The following MTERF4 variants were observed in gnomAD, a reference collection of about 807,000 sequenced individuals.
MTERF4 encodes the protein mitochondrial transcription termination factor 4, also known as transcription termination factor 4, mitochondrial.
A neutral mutation model predicts 22.5 loss-of-function variants in MTERF4; 17 were observed. The ratio of observed to expected loss-of-function variants is 0.75; its 90% CI spans 0.52 to 1.13. MTERF4 has a LOEUF of 1.13. MTERF4 is among the 50% of genes most tolerant of loss of function. The pLI is 0.00. For synonymous variants in MTERF4, 165 were observed against 175.3 expected (o/e 0.94, Z 0.47); for missense variants, 420 against 466.8 (o/e 0.90, Z 0.92).
chr2:241,096,453 C>CCTATCATTCTATAA lies in MTERF4; in HGVS notation c.706-16_706-15insTTATAGAATGATAG. 6.2e-7 allele frequency: 1 copy of CCTATCATTCTATAA among 1,612,898 alleles called. No homozygotes were observed. Among genetic ancestry groups the CCTATCATTCTATAA allele is most frequent in the Non-Finnish European group, 8.5e-7 (1 of 1,179,256 alleles). ...AAGTATGCATACTGGAAGACACAAACACACTTAGGAGTCCCAGATACAGAG... is the reference window on the plus strand; with the variant it reads ...AAGTATGCATACTGGAAGACACAAACCTATCATTCTATAAACACTTAGGAGTCCCAGATACAGAG... On this transcript the variant is annotated splice_polypyrimidine_tract_variant and intron_variant, in intron 3 of 3. Coordinates refer to ENST00000391980, the MANE Select transcript of MTERF4 (RefSeq NM_182501.4). This position sits in a 1 kb window ranked among gnomAD's most constrained non-coding sequence, Gnocchi z 5.1.
downstream of MTERF4, among the ~76,000 whole-genome samples, chr2:241,084,066 A>C (rs2063460627): frequency 1.3e-5 from 2 of 150,748 alleles, no homozygotes; most frequent in Non-Finnish European, 2.9e-5. Context: ...TGCCATACAC[A>C]TCTTCACCTT....
At chr2:241,067,292 GAGCTCACAAGTGGCCCCTTCCCT>G (rs1320698064), downstream of MTERF4, among the ~76,000 whole-genome samples, 2 of 152,222 alleles carry the variant, frequency 1.3e-5, no homozygotes, top group Non-Finnish European at 2.9e-5. Flanking sequence ...GCGGGAAGCG[GAGCTCACAAGTGGCCCCTTCCCT>G]GCAGTTGCTG....
chr2:241,089,845 C>T (rs1217597861), downstream of MTERF4: 1 of 1,407,204 alleles, frequency 7.1e-7, no homozygotes, highest in Non-Finnish European at 9.4e-7. Context: ...TGTGGCAGAG[C>T]CCATGCTCCC....
At chr2:241,048,203 C>T in the MTERF4 span, 1 of 1,284,124 alleles carries the variant, frequency 7.8e-7, no homozygotes, top group Non-Finnish European at 1.0e-6. Flanking sequence ...TTAAATTCCA[C>T]TTGGGAATGA....
chr2:241,072,468 C>T, exon 5 of MTERF4: 1 of 349,304 alleles, frequency 2.9e-6, no homozygotes, highest in East Asian at 8.0e-5. Context: ...CCAGAGGGGA[C>T]CTCTCTGGCC....
At chr2:241,074,292 C>G (rs1014941610) in exon 5 of MTERF4, 6 of 152,160 alleles carry the variant, frequency 3.9e-5, no homozygotes, top group Admixed American at 1.3e-4. Context: ...CACCATCCCC[C>G]CCCCGCCCTC....
At chr2:241,043,138 C>T in the MTERF4 span, among the ~76,000 whole-genome samples, 5 of 152,182 alleles carry the variant, frequency 3.3e-5, no homozygotes, top group Admixed American at 6.5e-5. Context: ...AGAAATAATA[C>T]CCAAACATTT....
intron 4 of MTERF4, among the ~76,000 whole-genome samples, chr2:241,076,961 C>T (rs182589949): frequency 0.026 from 3,974 of 152,194 alleles, 177 homozygotes; most frequent in African/African-American, 0.091. Context: ...CGCCTGTGGT[C>T]CCAGCTACTC....
chr2:241,101,315 G>A, intron 1 of MTERF4: 1 of 350,900 alleles, frequency 2.8e-6, no homozygotes, highest in South Asian at 2.2e-5. Context: ...TCACAATAGG[G>A]TTCGCGCTCC....
the MTERF4 span, among the ~76,000 whole-genome samples, chr2:241,059,118 T>A: frequency 1.3e-5 from 2 of 152,178 alleles, no homozygotes; most frequent in African/African-American, 4.8e-5. Flanking sequence ...AGAACACCTA[T>A]GAGCAATTTT....
At chr2:241,046,643 G>GT in the MTERF4 span, among the ~76,000 whole-genome samples, 2 of 152,202 alleles carry the variant, frequency 1.3e-5, no homozygotes, top group African/African-American at 2.4e-5. Flanking sequence ...GGACTGAGGG[G>GT]TAACAGGAGC....
At chr2:241,094,187 G>A, downstream of MTERF4, 1 of 397,540 alleles carries the variant, frequency 2.5e-6, no homozygotes, top group Non-Finnish European at 5.2e-6. The surrounding 1 kb of genome is among the most constrained non-coding windows in gnomAD (Gnocchi z 4.3). Flanking sequence ...CGTGTGGGCT[G>A]CCAGGTACAA....
intron 1 of MTERF4, chr2:241,101,324 C>G: frequency 3.0e-6 from 1 of 337,500 alleles, no homozygotes; most frequent in Non-Finnish European, 6.3e-6. Flanking sequence ...GGTTCGCGCT[C>G]CAGTGAGAAT....
downstream of MTERF4, chr2:241,068,075 G>A (rs9751826): frequency 4.0e-4 from 349 of 879,306 alleles, 1 homozygote; most frequent in African/African-American, 4.9e-3. This position sits in a 1 kb window ranked among gnomAD's most constrained non-coding sequence, Gnocchi z 5.3. Flanking sequence ...TCACCTGAGC[G>A]GAGACAAAGG....
At chr2:241,072,593 G>T in exon 5 of MTERF4, 1 of 265,892 alleles carries the variant, frequency 3.8e-6, no homozygotes, top group Non-Finnish European at 7.3e-6. Context: ...GAGGAGGGAG[G>T]GAAATGCAGC....
downstream of MTERF4, among the ~76,000 whole-genome samples, chr2:241,084,760 AT>A (rs1051300901): frequency 1.3e-5 from 2 of 152,052 alleles, no homozygotes; most frequent in African/African-American, 4.8e-5. Flanking sequence ...ATCTGGTATC[AT>A]TTCTCTTTGC....
chr2:241,062,885 G>A, the MTERF4 span: 108 of 1,605,228 alleles, frequency 6.7e-5, no homozygotes, highest in Non-Finnish European at 8.8e-5. Context: ...CAGGCTATGA[G>A]GGCGCCCACT....
downstream of MTERF4, chr2:241,068,998 C>T (rs748654698): frequency 1.3e-6 from 2 of 1,553,666 alleles, no homozygotes; most frequent in Admixed American, 3.9e-5. This position sits in a 1 kb window ranked among gnomAD's most constrained non-coding sequence, Gnocchi z 5.3. Context: ...AGAGCCTGGC[C>T]ACCGCGCCGA....
At chr2:241,078,355 C>G (rs1263823411) in intron 4 of MTERF4, among the ~76,000 whole-genome samples, 1 of 146,290 alleles carries the variant, frequency 6.8e-6, no homozygotes, top group Admixed American at 6.9e-5. Flanking sequence ...TGCACTGCAG[C>G]CTGGGAGACA....
Sources: allele counts gnomAD v4.1 joint callset (sites outside exome capture counted in the v4.1 genomes callset), GRCh38; gene constraint gnomAD v4.1.1; non-coding constraint Gnocchi (gnomAD v3.1); transcripts MANE v1.5; gene names NCBI Gene and HGNC (gene_info 2026-07-23, HGNC 2026-07-21).